Variants in CLCN1 observed in about 807,000 individuals in gnomAD.
CLCN1 encodes chloride channel protein 1.
A neutral mutation model predicts 114.5 loss-of-function variants in CLCN1; 100 were observed. That is an observed-to-expected ratio of 0.87 (90% confidence interval 0.74 to 1.03). CLCN1 has a LOEUF of 1.03. Ranked by LOEUF, CLCN1 falls within the 50% of genes least tolerant of loss-of-function variation. CLCN1 has a pLI of 0.00. For missense variants in CLCN1, 1,188 were observed against 1,250.0 expected (o/e 0.95, Z 0.75); for synonymous variants, 485 against 487.1 (o/e 1.00, Z 0.06).
Position 143,324,328 on chromosome 7 carries a change from T to C in CLCN1, c.775-86T>C. 1.0e-6 allele frequency: 1 copy of C among 962,760 alleles called. No individual in the cohort carries two copies. The highest frequency in any genetic ancestry group is 1.7e-6 in the Non-Finnish European group (1 of 588,034). The allele number at this position is 962,760 out of a possible 1,614,324, so 59.6% of individuals were successfully genotyped here. A position where few individuals can be genotyped will look rare whatever the true frequency, so the allele number is the denominator to read the frequency against. ...TTTGACTTAGGCCTCTCATTCTGCC[T>C]TATTCCCCATCCCTGCTTGTTCTGT... On this transcript the variant is annotated intron_variant, in intron 6 of 22. Transcript: ENST00000343257. This position sits in a 1 kb window ranked among gnomAD's most constrained non-coding sequence, Gnocchi z 4.6.
rs1262814365 is a variant in CLCN1 at position 143,346,184 on chromosome 7, G to C, written c.2217G>C (p.Leu739=). The C allele has an allele frequency of 6.2e-7, 1 of 1,613,538 alleles. No individual in the cohort carries two copies. The highest frequency in any genetic ancestry group is 1.1e-5 in the South Asian group (1 of 91,062). ...LALHPSTTAP[L]SPEEPNGPLP... is the part of the protein sequence containing the mutation. The stretch of plus-strand genomic sequence containing the variant: ...TCCACCCCTCTACTACTGCCCCTCT[G>C]TCCCCAGAAGAGCCCAATGGGCCTC... The change falls in exon 18 of 23, where the codon CTG becomes CTC. Residue 739 remains leucine (L), a synonymous_variant. Coordinates refer to ENST00000343257, the MANE Select transcript of CLCN1 (RefSeq NM_000083.3).
Position 143,351,792 on chromosome 7 carries a change from C to T in CLCN1, c.2794C>T (p.Pro932Ser), listed in dbSNP as rs757079851. 6.2e-7 allele frequency: 1 copy of T among 1,614,116 alleles called. No homozygotes were observed. The highest frequency in any genetic ancestry group is 8.5e-7 in the Non-Finnish European group (1 of 1,180,000). The change falls in exon 23 of 23, where the codon CCA (proline) becomes TCA (serine). Residue 932 changes from proline to serine, a missense_variant. Transcript: ENST00000343257. ...VIAASPETPV[P>S]SPSPEPPLSL... is the part of the protein sequence containing the mutation. ...TGCTGCCTCCCCAGAGACCCCTGTG[C>T]CATCTCCTTCCCCAGAGCCCCCTCT...
intron 2 of CLCN1, 136 bp from the exon 3 acceptor site, chr7:143,320,528 T>C: frequency 2.3e-6 from 2 of 875,842 alleles, no homozygotes; most frequent in Non-Finnish European, 3.6e-6. Context: ...GCACCCAAAG[T>C]AAAGTAGTGA....
rs772448462 is a variant in CLCN1 at position 143,324,522 on chromosome 7, C to T, written c.853+30C>T. 1.3e-5 allele frequency: 21 copies of T among 1,563,000 alleles called. No individual in the cohort carries two copies. The highest frequency in any genetic ancestry group is 1.3e-4 in the Admixed American group (8 of 59,948). On this transcript the variant is annotated intron_variant, in intron 7 of 22. Transcript: ENST00000343257. This position sits in a 1 kb window ranked among gnomAD's most constrained non-coding sequence, Gnocchi z 4.6. ...GTGATTGACCCCCTCCCCCATCAATCGGCTTGCCTGGCCTGGCTCCCAAAA... is the reference window on the plus strand; with the variant it reads ...GTGATTGACCCCCTCCCCCATCAATTGGCTTGCCTGGCCTGGCTCCCAAAA...
chr7:143,342,758 C>G (rs915458891), intron 16 of CLCN1, among the ~76,000 whole-genome samples: 1 of 152,126 alleles, frequency 6.6e-6, no homozygotes, highest in African/African-American at 2.4e-5. Flanking sequence ...CACCTGAGGT[C>G]AGGAGTTCGA....
At chr7:143,327,257 A>AGAAAGAAAAAG (rs77190576) in intron 7 of CLCN1, among the ~76,000 whole-genome samples, 81 of 149,572 alleles carry the variant, frequency 5.4e-4, no homozygotes, top group Admixed American at 8.0e-4. Context: ...TAAAAAAAAA[A>AGAAAGAAAAAG]AAAAAGAAAA....
chr7:143,320,164 CT>C (rs1178832631), intron 2 of CLCN1, among the ~76,000 whole-genome samples: 1 of 152,114 alleles, frequency 6.6e-6, no homozygotes, highest in African/African-American at 2.4e-5. Context: ...AATTTTAAAA[CT>C]TTTTTTGTAA....
rs1168501752 is a variant in CLCN1 at position 143,351,798 on chromosome 7, C to T, written c.2800C>T (p.Pro934Ser). The change falls in exon 23 of 23, where the codon CCT becomes TCT. Residue 934 changes from proline (P) to serine (S), a missense_variant. By Grantham distance (74) the Pro-to-Ser change is moderately conservative. Coordinates refer to ENST00000343257, the MANE Select transcript of CLCN1 (RefSeq NM_000083.3). ...AASPETPVPS[P>S]SPEPPLSLAP... is the part of the protein sequence containing the mutation. ...CTCCCCAGAGACCCCTGTGCCATCTCCTTCCCCAGAGCCCCCTCTCTCCCT... is the reference window on the plus strand; with the variant it reads ...CTCCCCAGAGACCCCTGTGCCATCTTCTTCCCCAGAGCCCCCTCTCTCCCT... 1.2e-6 allele frequency: 2 copies of T among 1,614,168 alleles called. No individual in the cohort carries two copies. Among genetic ancestry groups the T allele is most frequent in the Admixed American group, 1.7e-5 (1 of 60,030 alleles).
Position 143,321,305 on chromosome 7 carries a change from G to A in CLCN1, c.434-60G>A. The A allele has an allele frequency of 1.9e-6, 3 of 1,602,606 alleles. No homozygotes were observed. The highest frequency in any genetic ancestry group is 2.6e-6 in the Non-Finnish European group (3 of 1,172,688). Reference sequence around the variant, plus strand: ...GAGAACATGCCGGGTACACGTCCTGGTGCCGTGGACACGGCTGCTCAGCCA... The same window carrying A: ...GAGAACATGCCGGGTACACGTCCTGATGCCGTGGACACGGCTGCTCAGCCA... On this transcript the variant is annotated intron_variant, in intron 3 of 22. Coordinates refer to ENST00000343257, the MANE Select transcript of CLCN1 (RefSeq NM_000083.3). The surrounding 1 kb of genome is among the most constrained non-coding windows in gnomAD (Gnocchi z 4.2).
chr7:143,345,852 G>A, intron 17 of CLCN1, 90 bp downstream of exon 17: 1 of 1,527,358 alleles, frequency 6.5e-7, no homozygotes, highest in Non-Finnish European at 8.9e-7. Flanking sequence ...GGCTGGGACA[G>A]GCGTAGTTTC....
In CLCN1 at chr7:143,346,202, T is replaced by G. The variant is rs1289747882; in HGVS notation, c.2235T>G (p.Asn745Lys). 1 of 1,613,926 alleles carries G rather than the reference T, an allele frequency of 6.2e-7. No homozygotes were observed. Among genetic ancestry groups the G allele is most frequent in the Non-Finnish European group, 8.5e-7 (1 of 1,179,912 alleles). Residue 745 changes from asparagine to lysine, a missense_variant, in exon 18 of 23, where the codon AAT (asparagine) becomes AAG (lysine). Transcript: ENST00000343257. ...CCCCTCTGTCCCCAGAAGAGCCCAA[T>G]GGGCCTCTGCCTGGCCACAAACAGC... Reference protein sequence around the residue: ...TTAPLSPEEPNGPLPGHKQQP... With the variant: ...TTAPLSPEEPKGPLPGHKQQP...
At position 143,321,608 on chromosome 7, in the gene CLCN1, C is replaced by A; in HGVS notation, c.563-107C>A. 1.2e-6 allele frequency: 2 copies of A among 1,604,028 alleles called. No homozygotes were observed. The highest frequency in any genetic ancestry group is 1.7e-6 in the Non-Finnish European group (2 of 1,171,532). ...CTGTGCTGCCTTGCCCCATCCTCCCCACCACTGCCTCTTCAGCCCTCTCCA... is the reference window on the plus strand; with the variant it reads ...CTGTGCTGCCTTGCCCCATCCTCCCAACCACTGCCTCTTCAGCCCTCTCCA... On this transcript the variant is annotated intron_variant, in intron 4 of 22. Coordinates refer to ENST00000343257, the MANE Select transcript of CLCN1 (RefSeq NM_000083.3). This position sits in a 1 kb window ranked among gnomAD's most constrained non-coding sequence, Gnocchi z 4.2.
intron 10 of CLCN1, among the ~76,000 whole-genome samples, 156 bp downstream of exon 10, chr7:143,331,808 T>C (rs1586498143): frequency 6.6e-6 from 1 of 152,306 alleles, no homozygotes; most frequent in Non-Finnish European, 1.5e-5. Context: ...GTGAATTGTG[T>C]GGTCTCCCAT....
chr7:143,319,508 G>A (rs1200410459), intron 1 of CLCN1, among the ~76,000 whole-genome samples: 1 of 152,198 alleles, frequency 6.6e-6, no homozygotes, highest in East Asian at 1.9e-4. Flanking sequence ...CTGGATCAAG[G>A]TGAGTACAGG....
intron 12 of CLCN1, among the ~76,000 whole-genome samples, chr7:143,333,728 A>C (rs897384199): frequency 1.3e-5 from 2 of 152,206 alleles, no homozygotes; most frequent in Non-Finnish European, 2.9e-5. Flanking sequence ...TATTTAGGTG[A>C]TGAAGCTGTG....
intron 12 of CLCN1, among the ~76,000 whole-genome samples, chr7:143,334,807 C>T (rs1020707403): frequency 2.6e-5 from 4 of 152,144 alleles, no homozygotes; most frequent in African/African-American, 9.7e-5. Context: ...TTAATTTAAT[C>T]CCTTTAAAAT....
Position 143,321,960 on chromosome 7 carries a change from GC to G in CLCN1, c.696+114del. On this transcript the variant is annotated intron_variant, in intron 5 of 22. Transcript: ENST00000343257. The surrounding 1 kb of genome is among the most constrained non-coding windows in gnomAD (Gnocchi z 4.2). ...AAGTGGATCAGGGGACAGGACCAAG[GC>G]CAGGGCCAGGGGACACTAGGAAGGG... is the stretch of plus-strand genomic sequence containing the variant. 8.4e-7 allele frequency: 1 copy of G among 1,194,942 alleles called. No homozygotes were observed. The highest frequency in any genetic ancestry group is 1.2e-6 in the Non-Finnish European group (1 of 849,414). 74.0% of individuals were successfully genotyped at this position (1,194,942 alleles called of 1,614,324 possible).
chr7:143,346,801 G>A lies in CLCN1; in HGVS notation c.2365-110G>A, dbSNP rs1935010678. 3 of 1,197,772 alleles carry A rather than the reference G, an allele frequency of 2.5e-6. No homozygotes were observed. The Admixed American group carries it at 5.1e-5, about 20-fold the overall frequency. The allele number at this position is 1,197,772 out of a possible 1,614,324, so 74.2% of individuals were successfully genotyped here. Reference sequence around the variant, plus strand: ...ATATGGAAGGGATGATGAATGAAAAGGAGGCATCGGTGGTCCTGGCCAGGG... The same window carrying A: ...ATATGGAAGGGATGATGAATGAAAAAGAGGCATCGGTGGTCCTGGCCAGGG... On this transcript the variant is annotated intron_variant, in intron 19 of 22. Coordinates refer to ENST00000343257, the MANE Select transcript of CLCN1 (RefSeq NM_000083.3).
chr7:143,344,920 T>A (rs1563086447), intron 16 of CLCN1, among the ~76,000 whole-genome samples: 1 of 152,116 alleles, frequency 6.6e-6, no homozygotes, highest in Non-Finnish European at 1.5e-5. Flanking sequence ...CCAGCTAATT[T>A]TTTTATTTTT....
Sources: allele counts gnomAD v4.1 joint callset (sites outside exome capture counted in the v4.1 genomes callset), GRCh38; gene constraint gnomAD v4.1.1; non-coding constraint Gnocchi (gnomAD v3.1); transcripts MANE v1.5; gene names NCBI Gene and HGNC (gene_info 2026-07-23, HGNC 2026-07-21).